MAGEB3: variants seen among roughly 807,000 people sequenced by gnomAD.
MAGEB3 encodes the protein MAGE family member B3.
For missense variants in MAGEB3, 191 were observed against 262.4 expected (o/e 0.73, Z 1.88); for synonymous variants, 91 against 93.0 (o/e 0.98, Z 0.12).
chrX:30,233,660 G>C (rs1924893538), intron 4 of MAGEB3, among the ~76,000 whole-genome samples: 2 of 109,938 alleles, frequency 1.8e-5, no homozygotes, highest in African/African-American at 6.6e-5. Context: ...GCTCCGCTTA[G>C]TAACAAGGTG....
At chrX:30,232,100 G>T (rs1273458171) in intron 2 of MAGEB3, among the ~76,000 whole-genome samples, 1 of 112,203 alleles carries the variant, frequency 8.9e-6, no homozygotes, top group Non-Finnish European at 1.9e-5. Flanking sequence ...CTTCAGTCAG[G>T]TTCGTGGCCT....
rs1316019109 is a variant in MAGEB3, at chrX:30,231,566, C to G, written c.-306C>G. The G allele has an allele frequency of 5.0e-5, 5 of 100,401 alleles. No individual in the cohort carries two copies. Among genetic ancestry groups the G allele is most frequent in the Non-Finnish European group, 1.0e-4 (5 of 50,023 alleles). The allele number at this position is 100,401 out of a possible 1,213,427, so 8.3% of individuals were successfully genotyped here. On this transcript the variant is annotated 5_prime_UTR_variant, in exon 2 of 5. Transcript: ENST00000361644. ...ATCCCAACATTTTGGGAGGACGAAGCCAGCCTCATCGCTTAAGCACAGGAG... is the reference window on the plus strand; with the variant it reads ...ATCCCAACATTTTGGGAGGACGAAGGCAGCCTCATCGCTTAAGCACAGGAG...
Position 30,236,935 on chromosome X carries a change from G to T in MAGEB3, c.1011G>T (p.Lys337Asn). Residue 337 changes from lysine to asparagine, a missense_variant, in exon 5 of 5, where the codon AAG (lysine) becomes AAT (asparagine). Physicochemically the swap from Lys to Asn is moderately conservative, Grantham distance 94 (BLOSUM62 0). Coordinates refer to ENST00000361644, the MANE Select transcript of MAGEB3 (RefSeq NM_002365.5). Reference sequence around the variant, plus strand: ...GTGCCATGGGCAGAAAGTGTTCCAAGGCCAAGGCTAGCAGCTCTTCCCACG... The same window carrying T: ...GTGCCATGGGCAGAAAGTGTTCCAATGCCAAGGCTAGCAGCTCTTCCCACG... ...GSSAMGRKCS[K>N]AKASSSSHA is the part of the protein sequence containing the mutation. 8.3e-7 allele frequency: 1 copy of T among 1,204,278 alleles called. No homozygotes were observed. Among genetic ancestry groups the T allele is most frequent in the Non-Finnish European group, 1.1e-6 (1 of 891,909 alleles).
Position 30,236,552 on chromosome X carries a change from G to A in MAGEB3, c.628G>A (p.Val210Met), listed in dbSNP as rs149480290. The change falls in exon 5 of 5, where the codon GTG (valine) becomes ATG (methionine). Residue 210 changes from valine (V) to methionine (M), a missense_variant. Coordinates refer to ENST00000361644, the MANE Select transcript of MAGEB3 (RefSeq NM_002365.5). ...KTGLLLNLLG[V>M]IFMKGNCATE... is the part of the protein sequence containing the mutation. ...AGGTCTCCTGCTGAATCTCCTGGGC[G>A]TGATCTTCATGAAGGGCAACTGTGC... 2.7e-5 allele frequency: 33 copies of A among 1,210,438 alleles called. No individual in the cohort carries two copies. Among genetic ancestry groups the A allele is most frequent in the African/African-American group, 2.3e-4 (13 of 57,346 alleles).
chrX:30,231,091 AC>A (rs1433698696), intron 1 of MAGEB3, among the ~76,000 whole-genome samples: 1 of 107,616 alleles, frequency 9.3e-6, no homozygotes, highest in East Asian at 2.9e-4. Context: ...AGGCGAGTGA[AC>A]TGTTTGGGCC....
chrX:30,237,163 T>A lies in MAGEB3; in HGVS notation c.*198T>A. ...TTTTATTTAACATTGTAATCTAAGT[T>A]TAGGATTGATACTGGTCACATTTGT... is the stretch of plus-strand genomic sequence containing the variant. On this transcript the variant is annotated 3_prime_UTR_variant, in exon 5 of 5. Transcript: ENST00000361644. 2.7e-6 allele frequency: 1 copy of A among 373,434 alleles called. No individual in the cohort carries two copies. The highest frequency in any genetic ancestry group is 4.7e-6 in the Non-Finnish European group (1 of 213,223). The allele number at this position is 373,434 out of a possible 1,213,427, so 30.8% of individuals were successfully genotyped here.
rs762212684 is a variant in MAGEB3 at position 30,235,897 on chromosome X, C to T, written c.-28C>T. On this transcript the variant is annotated 5_prime_UTR_variant, in exon 5 of 5. Transcript: ENST00000361644. ...ATCACCTGCCCTTCTGCTGACACTCCTGCCTGCTGTTCCTGACTACAGCCA... is the reference window on the plus strand; with the variant it reads ...ATCACCTGCCCTTCTGCTGACACTCTTGCCTGCTGTTCCTGACTACAGCCA... The T allele has an allele frequency of 1.2e-4, 138 of 1,143,508 alleles. No homozygotes were observed. The highest frequency in any genetic ancestry group is 1.6e-4 in the Non-Finnish European group (135 of 850,506). 94.2% of individuals were successfully genotyped at this position (1,143,508 alleles called of 1,213,427 possible).
chrX:30,235,851 C>G lies in MAGEB3; in HGVS notation c.-61-13C>G. The G allele has an allele frequency of 1.2e-6, 1 of 801,242 alleles. No individual in the cohort carries two copies. The highest frequency in any genetic ancestry group is 1.8e-6 in the Non-Finnish European group (1 of 551,685). The allele number at this position is 801,242 out of a possible 1,213,427, so 66.0% of individuals were successfully genotyped here. Reference sequence around the variant, plus strand: ...GAAGGCACTCATACCCTCTCTTTCTCTCTCTCCTCCAGGTGCCTGTATCAC... The same window carrying G: ...GAAGGCACTCATACCCTCTCTTTCTGTCTCTCCTCCAGGTGCCTGTATCAC... On this transcript the variant is annotated splice_polypyrimidine_tract_variant and intron_variant, in intron 4 of 4. Coordinates refer to ENST00000361644, the MANE Select transcript of MAGEB3 (RefSeq NM_002365.5).
chrX:30,234,348 A>G (rs754941922), intron 4 of MAGEB3, among the ~76,000 whole-genome samples: 5 of 111,214 alleles, frequency 4.5e-5, no homozygotes, highest in Non-Finnish European at 7.5e-5. Context: ...CCGTGTTGTC[A>G]GCCATCAGAC....
In MAGEB3 at chrX:30,237,055, A is replaced by G; in HGVS notation, c.*90A>G. On this transcript the variant is annotated 3_prime_UTR_variant, in exon 5 of 5. Coordinates refer to ENST00000361644, the MANE Select transcript of MAGEB3 (RefSeq NM_002365.5). ...GACTGGGTGTTACTGGAGGGAACAC[A>G]CTGTATAATACCTTTTGTTTCTGTT... The G allele has an allele frequency of 1.8e-6, 1 of 570,573 alleles. No homozygotes were observed. The highest frequency in any genetic ancestry group is 3.7e-5 in the East Asian group (1 of 27,387). 47.0% of individuals were successfully genotyped at this position (570,573 alleles called of 1,213,427 possible). A position where few individuals can be genotyped will look rare whatever the true frequency, so the allele number is the denominator to read the frequency against.
Position 30,237,014 on chromosome X carries a change from G to A in MAGEB3, c.*49G>A, listed in dbSNP as rs1169981753. ...TTTGTGGTTAAAGAGGGCAGTCACTGTTCCAAGGAGTGAAGGACTGGGTGT... is the reference window on the plus strand; with the variant it reads ...TTTGTGGTTAAAGAGGGCAGTCACTATTCCAAGGAGTGAAGGACTGGGTGT... On this transcript the variant is annotated 3_prime_UTR_variant, in exon 5 of 5. Transcript: ENST00000361644. The A allele has an allele frequency of 4.2e-6, 4 of 963,721 alleles. No individual in the cohort carries two copies. The highest frequency in any genetic ancestry group is 2.4e-5 in the South Asian group (1 of 42,373). The allele number at this position is 963,721 out of a possible 1,213,427, so 79.4% of individuals were successfully genotyped here. A position where few individuals can be genotyped will look rare whatever the true frequency, so the allele number is the denominator to read the frequency against.
intron 1 of MAGEB3, among the ~76,000 whole-genome samples, chrX:30,231,307 A>G (rs1168601514): frequency 9.8e-5 from 10 of 102,019 alleles, no homozygotes; most frequent in East Asian, 3.0e-4. Context: ...GACAGAGAGA[A>G]ACACTGTCTC....
At chrX:30,231,724 A>G (rs1203216881) in intron 2 of MAGEB3, 106 bp downstream of exon 2, 1 of 100,038 alleles carries the variant, frequency 1.0e-5, no homozygotes, top group Non-Finnish European at 2.0e-5. Context: ...AGAAAGAAAT[A>G]TGAGGCCCAC....
At chrX:30,232,027 G>A (rs774420245) in intron 2 of MAGEB3, among the ~76,000 whole-genome samples, 46 of 112,424 alleles carry the variant, frequency 4.1e-4, no homozygotes, top group Non-Finnish European at 7.1e-4. Flanking sequence ...GACCCCGAGC[G>A]GGGTGTGGCT....
At chrX:30,233,435 A>AAG (rs1924883656) in intron 4 of MAGEB3, 72 bp downstream of exon 4, 2 of 91,123 alleles carry the variant, frequency 2.2e-5, no homozygotes, top group East Asian at 3.4e-4. Context: ...AAAAAAAAAA[A>AAG]AAAAGAAAGA....
At position 30,236,939 on chromosome X, in the gene MAGEB3, A is replaced by G; in HGVS notation, c.1015A>G (p.Lys339Glu). ...SAMGRKCSKA[K>E]ASSSSHA ...CATGGGCAGAAAGTGTTCCAAGGCC[A>G]AGGCTAGCAGCTCTTCCCACGCCTA... The change falls in exon 5 of 5, where the codon AAG becomes GAG. Residue 339 changes from lysine to glutamate, a missense_variant. Coordinates refer to ENST00000361644, the MANE Select transcript of MAGEB3 (RefSeq NM_002365.5). The G allele has an allele frequency of 1.7e-6, 2 of 1,204,349 alleles. No individual in the cohort carries two copies. Among genetic ancestry groups the G allele is most frequent in the Non-Finnish European group, 2.2e-6 (2 of 891,718 alleles).
At chrX:30,231,693 AAAAAAAAAAGAAAG>A (rs1461690413) in intron 2 of MAGEB3, 75 bp downstream of exon 2, 2 of 98,470 alleles carry the variant, frequency 2.0e-5, no homozygotes, top group African/African-American at 7.6e-5. Flanking sequence ...AAAAAAAAAA[AAAAAAAAAAGAAAG>A]AAAGAAAGAA....
In MAGEB3 at chrX:30,235,890, G is replaced by C; in HGVS notation, c.-35G>C. ...TGCCTGTATCACCTGCCCTTCTGCTGACACTCCTGCCTGCTGTTCCTGACT... is the reference window on the plus strand; with the variant it reads ...TGCCTGTATCACCTGCCCTTCTGCTCACACTCCTGCCTGCTGTTCCTGACT... On this transcript the variant is annotated 5_prime_UTR_variant, in exon 5 of 5. Transcript: ENST00000361644. 9.0e-7 allele frequency: 1 copy of C among 1,111,835 alleles called. No individual in the cohort carries two copies. The highest frequency in any genetic ancestry group is 1.8e-5 in the African/African-American group (1 of 55,084). The allele number at this position is 1,111,835 out of a possible 1,213,427, so 91.6% of individuals were successfully genotyped here. A position where few individuals can be genotyped will look rare whatever the true frequency, so the allele number is the denominator to read the frequency against.
rs1049812655 is a variant in MAGEB3, at chrX:30,232,902, T to G, written c.-178T>G. The G allele has an allele frequency of 1.9e-5, 2 of 106,747 alleles. No homozygotes were observed. The highest frequency in any genetic ancestry group is 3.9e-5 in the Non-Finnish European group (2 of 51,576). The allele number at this position is 106,747 out of a possible 1,213,427, so 8.8% of individuals were successfully genotyped here. On this transcript the variant is annotated 5_prime_UTR_variant, in exon 3 of 5. Coordinates refer to ENST00000361644, the MANE Select transcript of MAGEB3 (RefSeq NM_002365.5). ...CAGCCTCATCGCTTAAGCACAGGAG[T>G]TCGCGGACTGGGAGGTGAGCTGCCC...
Sources: gnomAD v4.1 joint callset for allele counts (sites outside exome capture counted in the v4.1 genomes callset) on GRCh38, gnomAD v4.1.1 for gene constraint, MANE v1.5 for transcripts, NCBI Gene and HGNC (gene_info 2026-07-23, HGNC 2026-07-21) for gene names.